The following RIMBP2 variants were observed in gnomAD, a reference collection of about 807,000 sequenced individuals.
RIMBP2 encodes the protein RIMS binding protein 2, also known as RIMS-binding protein 2.
A neutral mutation model predicts 118.6 loss-of-function variants in RIMBP2; 48 were observed. That is an observed-to-expected ratio of 0.40 (90% CI 0.32 to 0.51). The LOEUF (loss-of-function observed/expected upper bound fraction) is 0.51. Among genes scored for constraint, RIMBP2 ranks in the 20% least tolerant of loss-of-function variants. The pLI is 0.41. For synonymous variants in RIMBP2, 762 were observed against 742.9 expected (o/e 1.03, Z -0.42); for missense variants, 1,551 against 1,768.3 (o/e 0.88, Z 2.20).
At chr12:130,695,700 C>T (rs934004828) in intron 1 of RIMBP2, among the ~76,000 whole-genome samples, 4 of 152,020 alleles carry the variant, frequency 2.6e-5, no homozygotes, top group South Asian at 2.1e-4. Context: ...GAGTGGCAAC[C>T]GACCATTGAT....
rs941039660 is a variant in RIMBP2 at position 130,451,349 on chromosome 12, G to A, written c.359-9C>T. The A allele has an allele frequency of 8.8e-6, 14 of 1,595,976 alleles. No homozygotes were observed. In the East Asian group the frequency reaches 1.6e-4, roughly 18 times the overall value. ...AATAGCGCTCTCCTGACCTGGCCAC[G>A]AACATTAAAACAAGTTGAAACAAAT... On this transcript the variant is annotated splice_polypyrimidine_tract_variant and intron_variant, in intron 7 of 22. Transcript: ENST00000690449.
chr12:130,458,807 G>A (rs12299462), intron 6 of RIMBP2, among the ~76,000 whole-genome samples: 1 of 151,962 alleles, frequency 6.6e-6, no homozygotes, highest in Non-Finnish European at 1.5e-5. Context: ...CACTTTGAGA[G>A]GCCGAGGTGG....
Position 130,666,279 on chromosome 12 carries a change from G to C in RIMBP2, c.-351-37823C>G, listed in dbSNP as rs182076343. ...GAAGCAGCAAGTGTGCAAGAAGAGA[G>C]AGTCTAAAACATGGCACACCCCTCG... On this transcript the variant is annotated intron_variant, in intron 1 of 22. Coordinates refer to ENST00000690449, the MANE Select transcript of RIMBP2 (RefSeq NM_001393629.1). Among the ~76,000 whole-genome samples, 288 of 152,292 alleles carry C rather than the reference G, an allele frequency of 1.9e-3. 1 individual carries two copies. Among genetic ancestry groups the C allele is most frequent in the African/African-American group, 6.4e-3 (264 of 41,558 alleles).
At chr12:130,681,674 A>G (rs1449382977) in intron 1 of RIMBP2, among the ~76,000 whole-genome samples, 2 of 152,148 alleles carry the variant, frequency 1.3e-5, no homozygotes, top group Non-Finnish European at 1.5e-5. Context: ...CCCTCACATG[A>G]CAACCTCACG....
At chr12:130,714,071 C>G (rs1473026901) in intron 1 of RIMBP2, among the ~76,000 whole-genome samples, 2 of 152,192 alleles carry the variant, frequency 1.3e-5, no homozygotes, top group Non-Finnish European at 2.9e-5. Flanking sequence ...CCAGCGCTCA[C>G]CAACGTGTGA....
chr12:130,683,518 T>C lies in RIMBP2; in HGVS notation c.-352+32704A>G, dbSNP rs911295021. Among the ~76,000 whole-genome samples the C allele has an allele frequency of 1.3e-5, 2 of 152,136 alleles. No homozygotes were observed. Among genetic ancestry groups the C allele is most frequent in the Non-Finnish European group, 2.9e-5 (2 of 68,028 alleles). On this transcript the variant is annotated intron_variant, in intron 1 of 22. Transcript: ENST00000690449. The surrounding 1 kb of genome is among the most constrained non-coding windows in gnomAD (Gnocchi z 4.4). ...AACTCCATCTTGAATAGGGGCTGGG[T>C]AAGATGAGGCTGAGACCTACTGGGC...
At chr12:130,689,821 A>T (rs12320800) in intron 1 of RIMBP2, among the ~76,000 whole-genome samples, 38,351 of 152,112 alleles carry the variant, frequency 0.25, 5,248 homozygotes, top group South Asian at 0.38. Context: ...CGGCTTAAAC[A>T]GCCCCATGTG....
intron 2 of RIMBP2, among the ~76,000 whole-genome samples, chr12:130,528,236 A>G (rs2139272440): frequency 6.6e-6 from 1 of 152,380 alleles, no homozygotes; most frequent in East Asian, 1.9e-4. Context: ...AAAACATGGT[A>G]CGTATACACC....
rs140816717 is a variant in RIMBP2, at chr12:130,531,520, G to A, written c.-216-13603C>T. 4.8e-3 allele frequency among the ~76,000 whole-genome samples: 724 copies of A among 152,264 alleles called. 1 individual carries two copies. Among genetic ancestry groups the A allele is most frequent in the African/African-American group, 0.017 (692 of 41,546 alleles). ...AATAGCAGCCCTTCATTACTGTGTAGTATCCTCTTGTATAAATAATCTGAG... is the reference window on the plus strand; with the variant it reads ...AATAGCAGCCCTTCATTACTGTGTAATATCCTCTTGTATAAATAATCTGAG... On this transcript the variant is annotated intron_variant, in intron 2 of 22. Coordinates refer to ENST00000690449, the MANE Select transcript of RIMBP2 (RefSeq NM_001393629.1).
chr12:130,581,516 G>A lies in RIMBP2; in HGVS notation c.-217+46806C>T, dbSNP rs2058479490. On this transcript the variant is annotated intron_variant, in intron 2 of 22. Transcript: ENST00000690449. This position sits in a 1 kb window ranked among gnomAD's most constrained non-coding sequence, Gnocchi z 4.4. ...TCATAAGAGCATCCAGAATGAAGCC[G>A]AGCTCCTGGCCTTCCTGCCAGTCTC... Among the ~76,000 whole-genome samples, 3 of 152,160 alleles carry A rather than the reference G, an allele frequency of 2.0e-5. No individual in the cohort carries two copies. The highest frequency in any genetic ancestry group is 6.5e-5 in the Admixed American group (1 of 15,274).
chr12:130,708,468 G>A (rs1175250200), intron 1 of RIMBP2, among the ~76,000 whole-genome samples: 3 of 152,084 alleles, frequency 2.0e-5, no homozygotes, highest in East Asian at 1.9e-4. Flanking sequence ...CAGGAGGATC[G>A]CTTGAGTCCA....
intron 1 of RIMBP2, among the ~76,000 whole-genome samples, chr12:130,650,972 A>AG (rs1566427800): frequency 9.4e-5 from 14 of 149,468 alleles, no homozygotes; most frequent in Non-Finnish European, 1.3e-4. Context: ...AAAAAAAAAA[A>AG]AAAAGAAAGA....
In RIMBP2 at chr12:130,621,231, G is replaced by T. The variant is rs1220598321; in HGVS notation, c.-217+7091C>A. 6.6e-6 allele frequency among the ~76,000 whole-genome samples: 1 copy of T among 152,146 alleles called. No homozygotes were observed. The highest frequency in any genetic ancestry group is 1.5e-5 in the Non-Finnish European group (1 of 68,024). ...GTGAGGGTTAGGGTGATGGACTCCA[G>T]GTGGATCCTCCCCATGAGAGAAAAG... is the stretch of plus-strand genomic sequence containing the variant. On this transcript the variant is annotated intron_variant, in intron 2 of 22. Coordinates refer to ENST00000690449, the MANE Select transcript of RIMBP2 (RefSeq NM_001393629.1). This position sits in a 1 kb window ranked among gnomAD's most constrained non-coding sequence, Gnocchi z 6.6.
intron 19 of RIMBP2, among the ~76,000 whole-genome samples, chr12:130,409,699 C>T (rs186768671): frequency 6.5e-4 from 99 of 152,230 alleles, no homozygotes; most frequent in African/African-American, 2.2e-3. Flanking sequence ...CTGAGATTCA[C>T]CCCTGTCACT....
In RIMBP2 at chr12:130,424,793, G is replaced by A. The variant is rs1228312550; in HGVS notation, c.2478C>T (p.Pro826=). 3.0e-5 allele frequency: 37 copies of A among 1,232,828 alleles called. No individual in the cohort carries two copies. Among genetic ancestry groups the A allele is most frequent in the African/African-American group, 6.2e-5 (4 of 64,430 alleles). The allele number at this position is 1,232,828 out of a possible 1,614,324, so 76.4% of individuals were successfully genotyped here. Residue 826 remains proline (P), a synonymous_variant, in exon 16 of 23, where the codon CCC becomes CCT. Transcript: ENST00000690449. This position sits in a 1 kb window ranked among gnomAD's most constrained non-coding sequence, Gnocchi z 9.8. ...FWEQPEFPHQ[P]HRKRLFSIPE... ...GGATACTGAAAAGTCTCTTCCTGTGGGGCTGGTGGGGAAACTCGGGCTGCT... is the reference window on the plus strand; with the variant it reads ...GGATACTGAAAAGTCTCTTCCTGTGAGGCTGGTGGGGAAACTCGGGCTGCT...
intron 4 of RIMBP2, among the ~76,000 whole-genome samples, chr12:130,504,677 C>T (rs2050134285): frequency 6.6e-6 from 1 of 150,500 alleles, no homozygotes. Context: ...AATATGACTA[C>T]GTCGCTTTAA....
At chr12:130,504,385 C>G (rs979338170) in intron 4 of RIMBP2, among the ~76,000 whole-genome samples, 7 of 152,150 alleles carry the variant, frequency 4.6e-5, no homozygotes, top group African/African-American at 1.7e-4. Flanking sequence ...CAGCTCTCAG[C>G]AAATCAGGTT....
intron 17 of RIMBP2, among the ~76,000 whole-genome samples, chr12:130,417,689 T>C (rs950390972): frequency 6.6e-6 from 1 of 152,246 alleles, no homozygotes; most frequent in Non-Finnish European, 1.5e-5. Context: ...ACTATACCCA[T>C]GTAACAGACC....
intron 9 of RIMBP2, among the ~76,000 whole-genome samples, chr12:130,448,582 C>T (rs1212683579): frequency 2.0e-5 from 3 of 152,272 alleles, no homozygotes; most frequent in Non-Finnish European, 4.4e-5. Context: ...CTGCTCCACA[C>T]ACAGCAAGAA....
Sources: allele counts gnomAD v4.1 joint callset (sites outside exome capture counted in the v4.1 genomes callset), GRCh38; gene constraint gnomAD v4.1.1; non-coding constraint Gnocchi (gnomAD v3.1); transcripts MANE v1.5; gene names NCBI Gene and HGNC (gene_info 2026-07-23, HGNC 2026-07-21).